The following PACRG variants were observed in gnomAD, a reference collection of about 807,000 sequenced individuals.
PACRG encodes the protein parkin coregulated gene protein.
PACRG carries 29 observed loss-of-function variants against 29.7 expected under a neutral mutation model. The ratio of observed to expected loss-of-function variants is 0.98; its 90% CI spans 0.73 to 1.33. The LOEUF is 1.33. Ranked by LOEUF, PACRG falls within the 40% of genes most tolerant of loss-of-function variation. The probability of loss-of-function intolerance (pLI) is 0.00; values close to 1 mark genes in which losing one functional copy is unlikely to be tolerated. For synonymous variants in PACRG, 116 were observed against 118.7 expected (o/e 0.98, Z 0.15); for missense variants, 279 against 316.2 (o/e 0.88, Z 0.89).
chr6:163,119,411 G>A (rs1585237669), intron 4 of PACRG, among the ~76,000 whole-genome samples: 1 of 152,208 alleles, frequency 6.6e-6, no homozygotes. Context: ...TGAGTGTGAC[G>A]TAAATAGTAA....
At chr6:162,971,042 C>A (rs1323294102) in intron 2 of PACRG, among the ~76,000 whole-genome samples, 1 of 152,174 alleles carries the variant, frequency 6.6e-6, no homozygotes, top group African/African-American at 2.4e-5. Context: ...AGCTGTTTTG[C>A]AATTTCACGT....
At chr6:163,235,850 A>G (rs1166461839) in intron 4 of PACRG, among the ~76,000 whole-genome samples, 1 of 152,116 alleles carries the variant, frequency 6.6e-6, no homozygotes, top group Non-Finnish European at 1.5e-5. Context: ...GTGGTTTGAT[A>G]TTTTATTATT....
intron 1 of PACRG, among the ~76,000 whole-genome samples, chr6:162,807,419 G>A (rs1786446573): frequency 6.6e-6 from 1 of 152,160 alleles, no homozygotes; most frequent in Non-Finnish European, 1.5e-5. Flanking sequence ...TTCAGAGGAA[G>A]AGATGTGTGA....
chr6:162,951,872 C>T (rs1799679994), intron 2 of PACRG, among the ~76,000 whole-genome samples: 1 of 152,148 alleles, frequency 6.6e-6, no homozygotes, highest in South Asian at 2.1e-4. Context: ...AGCAAGAGAG[C>T]TGGGAGCTTC....
chr6:163,131,168 C>T (rs554228049), intron 4 of PACRG, among the ~76,000 whole-genome samples: 1 of 152,106 alleles, frequency 6.6e-6, no homozygotes, highest in Admixed American at 6.5e-5. Flanking sequence ...ATTATCCGGG[C>T]GTGGTGGCGG....
chr6:162,946,973 A>T (rs918480347), intron 2 of PACRG, among the ~76,000 whole-genome samples: 1 of 151,972 alleles, frequency 6.6e-6, no homozygotes, highest in Admixed American at 6.6e-5. Flanking sequence ...GAAGGAACAT[A>T]CCTTAAAATA....
intron 2 of PACRG, among the ~76,000 whole-genome samples, chr6:162,943,296 A>G (rs1336964894): frequency 2.0e-5 from 3 of 152,082 alleles, no homozygotes; most frequent in Non-Finnish European, 4.4e-5. Context: ...GCCCATTGAT[A>G]TCCCCCATCC....
At chr6:163,109,071 C>G (rs1226009418) in intron 4 of PACRG, among the ~76,000 whole-genome samples, 1 of 152,192 alleles carries the variant, frequency 6.6e-6, no homozygotes, top group East Asian at 1.9e-4. Flanking sequence ...GTTTTCTGCT[C>G]TTTTGCTTCT....
At chr6:163,054,786 G>C (rs1810397577) in intron 2 of PACRG, among the ~76,000 whole-genome samples, 1 of 152,142 alleles carries the variant, frequency 6.6e-6, no homozygotes, top group Non-Finnish European at 1.5e-5. Flanking sequence ...CACACAGGAA[G>C]AGGAGGGGCC....
chr6:163,009,466 T>C (rs1235722579), intron 2 of PACRG, among the ~76,000 whole-genome samples: 6 of 152,244 alleles, frequency 3.9e-5, no homozygotes, highest in African/African-American at 1.2e-4. Flanking sequence ...TACATTAACA[T>C]GGTTCATTAC....
At chr6:163,284,371 G>T (rs574441924) in intron 4 of PACRG, among the ~76,000 whole-genome samples, 1 of 152,074 alleles carries the variant, frequency 6.6e-6, no homozygotes, top group African/African-American at 2.4e-5. Context: ...CGTTCCAGCC[G>T]GTATCACTGC....
At chr6:163,058,484 T>G (rs1810788853) in intron 2 of PACRG, among the ~76,000 whole-genome samples, 1 of 152,106 alleles carries the variant, frequency 6.6e-6, no homozygotes, top group Non-Finnish European at 1.5e-5. Flanking sequence ...TAAAAAGAAC[T>G]AATGAAGGCT....
chr6:162,852,322 TTCTC>T (rs1457036015), intron 2 of PACRG, among the ~76,000 whole-genome samples: 1 of 152,166 alleles, frequency 6.6e-6, no homozygotes, highest in Admixed American at 6.5e-5. Flanking sequence ...CTGGGCATCT[TTCTC>T]AGACAACTCC....
At chr6:162,754,369 C>T (rs1781737154) in intron 1 of PACRG, among the ~76,000 whole-genome samples, 1 of 151,980 alleles carries the variant, frequency 6.6e-6, no homozygotes, top group Non-Finnish European at 1.5e-5. Context: ...GTTCCATATA[C>T]CATCAGATGT....
chr6:163,014,491 C>CT (rs1805901367), intron 2 of PACRG, among the ~76,000 whole-genome samples: 1 of 148,072 alleles, frequency 6.8e-6, no homozygotes. Context: ...TAAGTGTTCC[C>CT]TTTTTTCTGC....
rs371061922 is a variant in PACRG at position 163,195,860 on chromosome 6, T to C, written c.613+106452T>C. On this transcript the variant is annotated intron_variant, in intron 4 of 4. Coordinates refer to ENST00000366888, the MANE Select transcript of PACRG (RefSeq NM_001080379.2). ...CCCTTCCCGCGCCCGCCCCTGGGTG[T>C]CTCCGCTGGCTCCCCAGCATCTCCT... Among the ~76,000 whole-genome samples, 42 of 152,256 alleles carry C rather than the reference T, an allele frequency of 2.8e-4. No individual in the cohort carries two copies. The South Asian group carries it at 7.7e-3, about 28-fold the overall frequency.
At chr6:162,875,235 GCA>G (rs1793215886) in intron 2 of PACRG, among the ~76,000 whole-genome samples, 3 of 141,592 alleles carry the variant, frequency 2.1e-5, no homozygotes, top group South Asian at 4.6e-4. Context: ...ACACAGACAT[GCA>G]CAGACATTCA....
At chr6:163,060,146 T>C (rs1232019633) in intron 2 of PACRG, among the ~76,000 whole-genome samples, 1 of 152,034 alleles carries the variant, frequency 6.6e-6, no homozygotes, top group African/African-American at 2.4e-5. Flanking sequence ...AGAAGTTAAA[T>C]GAGACCATAA....
intron 4 of PACRG, among the ~76,000 whole-genome samples, chr6:163,138,330 C>G (rs936063459): frequency 1.3e-5 from 2 of 152,144 alleles, no homozygotes; most frequent in African/African-American, 2.4e-5. Flanking sequence ...ACCATGGGGG[C>G]GTATCTGCCA....
Sources: gnomAD v4.1 joint callset for allele counts (sites outside exome capture counted in the v4.1 genomes callset) on GRCh38, gnomAD v4.1.1 for gene constraint, MANE v1.5 for transcripts, NCBI Gene and HGNC (gene_info 2026-07-23, HGNC 2026-07-21) for gene names.